Variants in UNC13C observed in about 807,000 individuals in gnomAD.
UNC13C encodes the protein protein unc-13 homolog C.
In UNC13C, 174 loss-of-function variants were observed where a neutral mutation model predicts 245.4. That is an observed-to-expected ratio of 0.71 (90% CI 0.63 to 0.80). UNC13C has a LOEUF of 0.80. Among genes scored for constraint, UNC13C ranks in the 30% least tolerant of loss-of-function variants. The pLI is 0.00. For missense variants in UNC13C, 2,829 were observed against 2,602.9 expected (o/e 1.09, Z -1.89); for synonymous variants, 992 against 895.1 (o/e 1.11, Z -1.93).
intron 4 of UNC13C, among the ~76,000 whole-genome samples, chr15:54,217,554 A>G (rs2035079109): frequency 6.6e-6 from 1 of 151,942 alleles, no homozygotes; most frequent in South Asian, 2.1e-4. Context: ...TAAATACCAC[A>G]GGGCAGCAGG....
intron 26 of UNC13C, among the ~76,000 whole-genome samples, chr15:54,534,476 A>G (rs1895902013): frequency 6.6e-6 from 1 of 152,252 alleles, no homozygotes; most frequent in African/African-American, 2.4e-5. Context: ...ACATTAGCCC[A>G]TGCAGATGAG....
chr15:54,340,394 C>T (rs2038700259), intron 17 of UNC13C, among the ~76,000 whole-genome samples: 1 of 152,156 alleles, frequency 6.6e-6, no homozygotes, highest in Non-Finnish European at 1.5e-5. Context: ...CTGATGTTAT[C>T]TGCTAGAATT....
intron 17 of UNC13C, among the ~76,000 whole-genome samples, chr15:54,347,519 G>A (rs2038885216): frequency 6.6e-6 from 1 of 152,106 alleles, no homozygotes; most frequent in Non-Finnish European, 1.5e-5. Context: ...AGCACACTTA[G>A]GGACTTTTTA....
At position 54,274,276 on chromosome 15, in the gene UNC13C, A is replaced by G. The variant is rs573593772; in HGVS notation, c.3818+8780A>G. On this transcript the variant is annotated intron_variant, in intron 10 of 32. Transcript: ENST00000260323. ...GAAAGCTGGGCAAAAGAAGTTTTAA[A>G]TAGGTAAGCAATGTGTTGAAGAAAT... Among the ~76,000 whole-genome samples the G allele has an allele frequency of 3.9e-5, 6 of 152,326 alleles. No homozygotes were observed. In the East Asian group the frequency reaches 9.6e-4, roughly 24 times the overall value.
At chr15:54,002,918 T>C (rs1251168220) in intron 1 of UNC13C, among the ~76,000 whole-genome samples, 1 of 152,184 alleles carries the variant, frequency 6.6e-6, no homozygotes, top group Non-Finnish European at 1.5e-5. Flanking sequence ...GAAAGAATAG[T>C]GAAGTCGGGG....
chr15:53,925,944 T>C, the UNC13C span, among the ~76,000 whole-genome samples: 5 of 152,196 alleles, frequency 3.3e-5, no homozygotes, highest in Non-Finnish European at 7.3e-5. Context: ...CCAAGAACTT[T>C]GTTCCCTTGA....
intron 30 of UNC13C, among the ~76,000 whole-genome samples, chr15:54,610,941 A>G (rs1049654950): frequency 5.3e-5 from 8 of 152,236 alleles, no homozygotes; most frequent in Non-Finnish European, 1.5e-5. Context: ...TATTAAAAAA[A>G]TTTTAGACAA....
rs76565187 is a variant in UNC13C, at chr15:54,555,738, T to C, written c.5958+226T>C. 9.0e-3 allele frequency among the ~76,000 whole-genome samples: 1,365 copies of C among 152,144 alleles called. 16 individuals carry two copies. The highest frequency in any genetic ancestry group is 0.032 in the African/African-American group (1,319 of 41,526). Reference sequence around the variant, plus strand: ...AGGATGCCAGATTTACCCCTGTCTATCTCCTTATGACATCCACAATAGACT... The same window carrying C: ...AGGATGCCAGATTTACCCCTGTCTACCTCCTTATGACATCCACAATAGACT... On this transcript the variant is annotated intron_variant, in intron 29 of 32. Transcript: ENST00000260323.
intron 14 of UNC13C, among the ~76,000 whole-genome samples, chr15:54,330,743 C>T (rs980908063): frequency 6.6e-6 from 1 of 152,010 alleles, no homozygotes; most frequent in Non-Finnish European, 1.5e-5. Context: ...GTATAGCTTG[C>T]CTCATCCCCT....
At chr15:54,172,094 G>T (rs2033420162) in intron 4 of UNC13C, among the ~76,000 whole-genome samples, 1 of 152,070 alleles carries the variant, frequency 6.6e-6, no homozygotes, top group Non-Finnish European at 1.5e-5. Flanking sequence ...TAGAATGATG[G>T]TTACCAGAGG....
the UNC13C span, among the ~76,000 whole-genome samples, chr15:53,850,290 C>G: frequency 6.6e-6 from 1 of 151,990 alleles, no homozygotes; most frequent in Non-Finnish European, 1.5e-5. Flanking sequence ...TGGCATGCAC[C>G]TATGGTCCCA....
chr15:53,913,725 C>T, the UNC13C span: 2 of 152,336 alleles, frequency 1.3e-5, no homozygotes, highest in Non-Finnish European at 2.9e-5. Context: ...GACCTGTAGT[C>T]CTAATGCCAA....
chr15:54,046,583 A>G (rs1430824326), intron 2 of UNC13C, among the ~76,000 whole-genome samples: 2 of 151,984 alleles, frequency 1.3e-5, no homozygotes, highest in African/African-American at 4.8e-5. Flanking sequence ...TTTTTCCTTC[A>G]AACTTTAAAA....
the UNC13C span, among the ~76,000 whole-genome samples, chr15:53,857,159 T>C: frequency 5.9e-5 from 9 of 152,140 alleles, no homozygotes; most frequent in Admixed American, 5.9e-4. Context: ...TTTGTGCCCA[T>C]GAATCTTTTT....
the UNC13C span, among the ~76,000 whole-genome samples, chr15:53,881,124 A>G: frequency 6.6e-6 from 1 of 150,882 alleles, no homozygotes; most frequent in African/African-American, 2.4e-5. Flanking sequence ...AACTCCTCTA[A>G]GAAGTTGGGG....
intron 8 of UNC13C, among the ~76,000 whole-genome samples, chr15:54,254,758 G>A (rs950502024): frequency 4.6e-5 from 7 of 152,176 alleles, no homozygotes; most frequent in African/African-American, 1.4e-4. Context: ...TTATAAATAA[G>A]TTTGCAAAGT....
chr15:54,232,468 T>G (rs2035579964), intron 4 of UNC13C, among the ~76,000 whole-genome samples: 1 of 152,122 alleles, frequency 6.6e-6, no homozygotes, highest in Non-Finnish European at 1.5e-5. Context: ...TATAACTGAT[T>G]CCCAAATTTG....
At chr15:54,179,168 A>G (rs1177924483) in intron 4 of UNC13C, among the ~76,000 whole-genome samples, 1 of 152,104 alleles carries the variant, frequency 6.6e-6, no homozygotes. Flanking sequence ...ACAGAATTCA[A>G]CAGGAACCCT....
chr15:54,587,725 C>G (rs552850522), intron 30 of UNC13C, among the ~76,000 whole-genome samples: 3 of 152,268 alleles, frequency 2.0e-5, no homozygotes, highest in Non-Finnish European at 2.9e-5. Context: ...CACCCACCTC[C>G]CCATGCCCAG....
Sources: gnomAD v4.1 joint callset for allele counts (sites outside exome capture counted in the v4.1 genomes callset) on GRCh38, gnomAD v4.1.1 for gene constraint, MANE v1.5 for transcripts, NCBI Gene and HGNC (gene_info 2026-07-23, HGNC 2026-07-21) for gene names.